NRG1: variants seen among roughly 807,000 people sequenced by gnomAD.
NRG1 encodes neuregulin 1.
A neutral mutation model predicts 63.8 loss-of-function variants in NRG1; 18 were observed. The observed-to-expected ratio is 0.28, with a 90% CI of 0.19 to 0.42. The LOEUF (loss-of-function observed/expected upper bound fraction) is 0.42, where lower values mean the gene tolerates loss of function less well. Among genes scored for constraint, NRG1 ranks in the 10% least tolerant of loss-of-function variants. NRG1 has a pLI of 1.00. For synonymous variants in NRG1, 302 were observed against 301.3 expected (o/e 1.00, Z -0.02); for missense variants, 762 against 814.7 (o/e 0.94, Z 0.79).
Position 31,806,033 on chromosome 8 carries a change from G to A in NRG1, c.37+166602G>A, listed in dbSNP as rs368851376. 1.3e-4 allele frequency among the ~76,000 whole-genome samples: 20 copies of A among 152,076 alleles called. No homozygotes were observed. In the South Asian group the frequency reaches 4.1e-3, roughly 32 times the overall value. On this transcript the variant is annotated intron_variant, in intron 1 of 10. Transcript: ENST00000519301. ...CTTTTAATAAAGACACATAACCAGA[G>A]ATGATTTTTAAAAATTATGGATAAA...
chr8:32,607,989 T>G (rs1845552210), intron 3 of NRG1, among the ~76,000 whole-genome samples: 1 of 151,970 alleles, frequency 6.6e-6, no homozygotes, highest in Non-Finnish European at 1.5e-5. Flanking sequence ...ATCCAACCCC[T>G]TCATTGTATT....
At chr8:32,375,779 T>C (rs900682467) in intron 1 of NRG1, among the ~76,000 whole-genome samples, 9 of 152,356 alleles carry the variant, frequency 5.9e-5, no homozygotes, top group African/African-American at 2.2e-4. Context: ...TAAAGAGCTG[T>C]GCCTCATAGT....
At chr8:32,695,786 G>A (rs1453565921) in intron 5 of NRG1, among the ~76,000 whole-genome samples, 1 of 152,180 alleles carries the variant, frequency 6.6e-6, no homozygotes, top group African/African-American at 2.4e-5. Flanking sequence ...GCTTACAAAT[G>A]AGAGTATTTA....
chr8:31,790,314 G>T (rs948293826), intron 1 of NRG1, among the ~76,000 whole-genome samples: 10 of 152,248 alleles, frequency 6.6e-5, no homozygotes, highest in African/African-American at 2.4e-4. Context: ...AACTATTGAA[G>T]TAACAAGAAA....
At chr8:32,041,264 C>T (rs896559788) in intron 1 of NRG1, among the ~76,000 whole-genome samples, 5 of 152,152 alleles carry the variant, frequency 3.3e-5, no homozygotes, top group Admixed American at 6.6e-5. Flanking sequence ...CAAGATTTCT[C>T]CTTCTTAATT....
At chr8:31,893,387 A>G (rs1831305328) in intron 1 of NRG1, among the ~76,000 whole-genome samples, 1 of 151,584 alleles carries the variant, frequency 6.6e-6, no homozygotes, top group South Asian at 2.1e-4. Context: ...CTTATAGTAG[A>G]GTGAAGGAAA....
intron 1 of NRG1, among the ~76,000 whole-genome samples, chr8:32,027,095 T>G (rs1397848199): frequency 6.6e-6 from 1 of 152,148 alleles, no homozygotes; most frequent in Admixed American, 6.6e-5. Context: ...ATTTTGTCTT[T>G]GAATTTTGTT....
intron 1 of NRG1, among the ~76,000 whole-genome samples, chr8:32,170,425 TAGC>T (rs1443102753): frequency 6.6e-6 from 1 of 152,134 alleles, no homozygotes; most frequent in Non-Finnish European, 1.5e-5. Context: ...CACAGCGTCT[TAGC>T]AGGTGAAATG....
At chr8:32,279,938 C>T (rs1342553507) in intron 1 of NRG1, among the ~76,000 whole-genome samples, 1 of 152,176 alleles carries the variant, frequency 6.6e-6, no homozygotes, top group Non-Finnish European at 1.5e-5. Flanking sequence ...ATTCTGCTAG[C>T]CAGAGCCAGC....
chr8:32,533,537 T>C (rs1369154392), intron 1 of NRG1, among the ~76,000 whole-genome samples: 1 of 152,102 alleles, frequency 6.6e-6, no homozygotes, highest in Non-Finnish European at 1.5e-5. Context: ...AGGTAGAAGC[T>C]GAGACAATCT....
intron 1 of NRG1, among the ~76,000 whole-genome samples, chr8:32,363,253 A>G (rs1011740311): frequency 1.3e-5 from 2 of 152,190 alleles, no homozygotes; most frequent in African/African-American, 4.8e-5. Flanking sequence ...CTCACTTTCT[A>G]TATCCATCAA....
intron 1 of NRG1, among the ~76,000 whole-genome samples, chr8:31,932,815 G>A (rs928890647): frequency 5.9e-5 from 9 of 152,156 alleles, no homozygotes; most frequent in Non-Finnish European, 1.2e-4. Flanking sequence ...TAGCTTTGAA[G>A]TAGCTAATGG....
At chr8:32,734,694 T>G (rs1186991329) in intron 6 of NRG1, among the ~76,000 whole-genome samples, 1 of 152,176 alleles carries the variant, frequency 6.6e-6, no homozygotes, top group African/African-American at 2.4e-5. Flanking sequence ...TATGAGGAAT[T>G]TATTAACTCA....
intron 1 of NRG1, among the ~76,000 whole-genome samples, chr8:32,294,315 T>C (rs1854588603): frequency 6.6e-6 from 1 of 152,200 alleles, no homozygotes; most frequent in Non-Finnish European, 1.5e-5. Context: ...TTTAAGCATG[T>C]GCTCTGGCTG....
intron 5 of NRG1, among the ~76,000 whole-genome samples, chr8:32,641,133 C>A (rs1852302309): frequency 6.7e-6 from 1 of 148,762 alleles, no homozygotes; most frequent in Non-Finnish European, 1.5e-5. Flanking sequence ...GAGAGTGAAA[C>A]CCCGTCTCTA....
chr8:31,702,187 T>C (rs1341993077), intron 1 of NRG1, among the ~76,000 whole-genome samples: 2 of 152,202 alleles, frequency 1.3e-5, no homozygotes, highest in African/African-American at 4.8e-5. Flanking sequence ...GATCTTTATT[T>C]AGGCTCCTGA....
At position 31,671,420 on chromosome 8, in the gene NRG1, C is replaced by T. The variant is rs118004865; in HGVS notation, c.37+31989C>T. ...TGTGCAACCAATTAGTTGGGGATAG[C>T]GGATTTTTATGTAGCTGGCAAACTT... On this transcript the variant is annotated intron_variant, in intron 1 of 10. Transcript: ENST00000519301. Among the ~76,000 whole-genome samples the T allele has an allele frequency of 9.6e-3, 1,460 of 152,110 alleles. 43 individuals carry two copies. The South Asian group carries it at 0.12, about 12-fold the overall frequency.
intron 1 of NRG1, among the ~76,000 whole-genome samples, chr8:32,249,132 G>A (rs1034640889): frequency 1.3e-5 from 2 of 152,026 alleles, no homozygotes; most frequent in Admixed American, 6.6e-5. Context: ...ACACCATCCT[G>A]AGGTAGGGAA....
At chr8:31,830,804 C>A (rs1472669563) in intron 1 of NRG1, among the ~76,000 whole-genome samples, 3 of 152,102 alleles carry the variant, frequency 2.0e-5, no homozygotes, top group Non-Finnish European at 4.4e-5. Flanking sequence ...AACTTCTGAG[C>A]TTCAATGTGA....
Sources: allele counts gnomAD v4.1 joint callset (sites outside exome capture counted in the v4.1 genomes callset), GRCh38; gene constraint gnomAD v4.1.1; transcripts MANE v1.5; gene names NCBI Gene and HGNC (gene_info 2026-07-23, HGNC 2026-07-21).